SMS: variants seen among roughly 807,000 people sequenced by gnomAD.
SMS encodes the protein spermidine aminopropyltransferase.
A neutral mutation model predicts 33.0 loss-of-function variants in SMS; 3 were observed. The observed-to-expected ratio is 0.09, with a 90% CI of 0.04 to 0.23. SMS has a LOEUF of 0.23. Ranked by LOEUF, SMS falls within the 10% of genes least tolerant of loss-of-function variation. The pLI, the probability that SMS is intolerant of heterozygous loss-of-function variation, is 1.00. For missense variants in SMS, 117 were observed against 288.6 expected (o/e 0.41, Z 4.31); for synonymous variants, 103 against 112.2 (o/e 0.92, Z 0.52).
chrX:21,942,842 T>G (rs1412459344), intron 1 of SMS, among the ~76,000 whole-genome samples: 1 of 105,426 alleles, frequency 9.5e-6, no homozygotes, highest in Non-Finnish European at 1.9e-5. Context: ...TTTTTTTTTT[T>G]TTTTTTTTTA....
chrX:21,992,109 TAC>T (rs1237502148), intron 9 of SMS, among the ~76,000 whole-genome samples: 1 of 112,467 alleles, frequency 8.9e-6, no homozygotes, highest in Non-Finnish European at 1.9e-5. Flanking sequence ...TGTTCTCTTA[TAC>T]ACAGATTCTA....
chrX:21,987,775 A>AAGGCAGG (rs1925451709), intron 9 of SMS, among the ~76,000 whole-genome samples: 1 of 112,550 alleles, frequency 8.9e-6, no homozygotes, highest in Non-Finnish European at 1.9e-5. Flanking sequence ...TGTAGTACAA[A>AAGGCAGG]AGGCAGGACA....
chrX:21,992,904 C>A (rs1481313554), intron 10 of SMS, among the ~76,000 whole-genome samples, 192 bp downstream of exon 10: 1 of 112,346 alleles, frequency 8.9e-6, no homozygotes. Context: ...TCTAGACTTC[C>A]ATTCTCAAAA....
intron 1 of SMS, among the ~76,000 whole-genome samples, chrX:21,963,427 G>A (rs890364808): frequency 2.7e-5 from 3 of 112,626 alleles, no homozygotes; most frequent in Admixed American, 9.4e-5. Flanking sequence ...CCAGAAACAC[G>A]TTCAGCTTTG....
chrX:21,978,943 A>G lies in SMS; in HGVS notation c.727A>G (p.Asn243Asp). Residue 243 changes from asparagine (N) to aspartate (D), a missense_variant, in exon 7 of 11, where the codon AAT becomes GAT. Transcript: ENST00000404933. ...MRKTCGDVLD[N>D]LKGDCYQVLI... Reference sequence around the variant, plus strand: ...AAAAACGTGTGGCGATGTCTTAGACAATCTTAAAGGAGACTGCTATCAGGT... The same window carrying G: ...AAAAACGTGTGGCGATGTCTTAGACGATCTTAAAGGAGACTGCTATCAGGT... 4.2e-6 allele frequency: 5 copies of G among 1,189,844 alleles called. No homozygotes were observed. The highest frequency in any genetic ancestry group is 4.6e-6 in the Non-Finnish European group (4 of 875,312).
chrX:21,944,539 A>AAAAAAAAAAAAAAAAGAAAAAAG (rs776946474), intron 1 of SMS, among the ~76,000 whole-genome samples: 1 of 81,440 alleles, frequency 1.2e-5, no homozygotes, highest in African/African-American at 4.9e-5. Flanking sequence ...AAAAAAAAAA[A>AAAAAAAAAAAAAAAAGAAAAAAG]AAAAAAGAAA....
chrX:21,964,356 G>A lies in SMS; in HGVS notation c.50-2840G>A, dbSNP rs775970422. Among the ~76,000 whole-genome samples, 9 of 110,927 alleles carry A rather than the reference G, an allele frequency of 8.1e-5. No homozygotes were observed. The South Asian group carries it at 3.4e-3, about 42-fold the overall frequency. ...CCCTGATGTGGGACTTTTTCTTGGA[G>A]GCTCTTTCATTTTGGCCATCTGTAG... On this transcript the variant is annotated intron_variant, in intron 1 of 10. Coordinates refer to ENST00000404933, the MANE Select transcript of SMS (RefSeq NM_004595.5).
intron 1 of SMS, among the ~76,000 whole-genome samples, chrX:21,962,123 T>C (rs1923401576): frequency 8.9e-6 from 1 of 111,816 alleles, no homozygotes; most frequent in Admixed American, 9.5e-5. Context: ...TTGGGGCAGT[T>C]GGGGTGTGGG....
intron 1 of SMS, chrX:21,959,764 C>A: frequency 7.0e-6 from 1 of 142,859 alleles, no homozygotes; most frequent in Non-Finnish European, 1.3e-5. Flanking sequence ...TTGTGCACAA[C>A]CTGAGCCTGG....
chrX:21,965,363 G>A (rs1294935885), intron 1 of SMS, among the ~76,000 whole-genome samples: 1 of 110,890 alleles, frequency 9.0e-6, no homozygotes, highest in African/African-American at 3.3e-5. Flanking sequence ...GGGACTGGGT[G>A]CGGTGGTCCA....
intron 1 of SMS, among the ~76,000 whole-genome samples, chrX:21,947,240 C>A (rs1922301013): frequency 8.9e-6 from 1 of 111,849 alleles, no homozygotes; most frequent in Admixed American, 9.5e-5. Context: ...CTTTAATCCC[C>A]CATTGTGATA....
chrX:21,982,445 A>C (rs1035412349), intron 7 of SMS, among the ~76,000 whole-genome samples: 1 of 111,654 alleles, frequency 9.0e-6, no homozygotes, highest in Non-Finnish European at 1.9e-5. Context: ...GTAGAGGGGC[A>C]ATATCTCATG....
At position 21,951,495 on chromosome X, in the gene SMS, T is replaced by C. The variant is rs1005494312; in HGVS notation, c.49+10622T>C. Among the ~76,000 whole-genome samples the C allele has an allele frequency of 2.7e-5, 3 of 112,119 alleles. No homozygotes were observed. In the South Asian group the frequency reaches 1.1e-3, roughly 41 times the overall value. On this transcript the variant is annotated intron_variant, in intron 1 of 10. Coordinates refer to ENST00000404933, the MANE Select transcript of SMS (RefSeq NM_004595.5). Reference sequence around the variant, plus strand: ...TGTTGCAGTTGCTTTTGGTGTTTTTTTGTCATGAAGTCTTTGCCCATGCCT... The same window carrying C: ...TGTTGCAGTTGCTTTTGGTGTTTTTCTGTCATGAAGTCTTTGCCCATGCCT...
intron 1 of SMS, among the ~76,000 whole-genome samples, chrX:21,949,132 A>G: frequency 9.0e-6 from 1 of 111,522 alleles, no homozygotes; most frequent in Non-Finnish European, 1.9e-5. Flanking sequence ...TTTACGTGCT[A>G]AGCCACAGAT....
intron 4 of SMS, 58 bp downstream of exon 4, chrX:21,972,629 C>T (rs1924248643): frequency 5.9e-6 from 5 of 852,396 alleles, no homozygotes; most frequent in Non-Finnish European, 8.7e-6. Flanking sequence ...TCATAGTTGG[C>T]TGGGCGCGGT....
At chrX:21,941,594 A>G (rs1921782022) in intron 1 of SMS, among the ~76,000 whole-genome samples, 1 of 110,854 alleles carries the variant, frequency 9.0e-6, no homozygotes, top group Non-Finnish European at 1.9e-5. Flanking sequence ...GGGAGCTATC[A>G]AAAGACAGCC....
chrX:21,963,745 A>G (rs1310888583), intron 1 of SMS, among the ~76,000 whole-genome samples: 1 of 111,915 alleles, frequency 8.9e-6, no homozygotes, highest in Non-Finnish European at 1.9e-5. Flanking sequence ...CAGCCTGGTC[A>G]ATTACACGCA....
At chrX:21,980,429 A>AAAAAAAAATAT (rs1260210326) in intron 7 of SMS, among the ~76,000 whole-genome samples, 7 of 63,039 alleles carry the variant, frequency 1.1e-4, no homozygotes, top group East Asian at 6.5e-4. Flanking sequence ...AAAAAAAAAA[A>AAAAAAAAATAT]ATATATATAT....
chrX:21,942,481 AG>A (rs1038505630), intron 1 of SMS, among the ~76,000 whole-genome samples: 1 of 112,111 alleles, frequency 8.9e-6, no homozygotes, highest in Non-Finnish European at 1.9e-5. Context: ...AGCACACTGT[AG>A]GGTTTTTAAG....
Sources: allele counts gnomAD v4.1 joint callset (sites outside exome capture counted in the v4.1 genomes callset), GRCh38; gene constraint gnomAD v4.1.1; transcripts MANE v1.5; gene names NCBI Gene and HGNC (gene_info 2026-07-23, HGNC 2026-07-21).